Variants in RUNDC3B observed in about 807,000 individuals in gnomAD.
RUNDC3B encodes RUN domain containing 3B, also known as RUN domain-containing protein 3B.
Under a neutral mutation model 58.4 loss-of-function variants are expected in RUNDC3B, and 33 were observed. The observed-to-expected ratio is 0.56, with a 90% CI of 0.43 to 0.75. The LOEUF (loss-of-function observed/expected upper bound fraction) is 0.75, where lower values mean the gene tolerates loss of function less well. RUNDC3B is among the 30% of genes least tolerant of loss of function. The pLI is 0.00. For synonymous variants in RUNDC3B, 193 were observed against 195.2 expected, an observed-to-expected ratio of 0.99 and a Z score of 0.10; for missense variants, 501 against 535.7, an observed-to-expected ratio of 0.94 and a Z score of 0.64.
intron 10 of RUNDC3B, among the ~76,000 whole-genome samples, chr7:87,818,696 A>C (rs1180745568): frequency 1.3e-5 from 2 of 152,188 alleles, no homozygotes; most frequent in Non-Finnish European, 2.9e-5. Flanking sequence ...TCCTGTAACA[A>C]GCTGTGAGCA....
chr7:87,712,254 C>T (rs985457696), intron 4 of RUNDC3B, among the ~76,000 whole-genome samples: 4 of 151,876 alleles, frequency 2.6e-5, no homozygotes, highest in African/African-American at 4.8e-5. Context: ...ACATGACACT[C>T]GAGATATTTC....
chr7:87,682,606 T>C (rs1827037268), intron 2 of RUNDC3B, among the ~76,000 whole-genome samples: 1 of 152,210 alleles, frequency 6.6e-6, no homozygotes, highest in African/African-American at 2.4e-5. Flanking sequence ...TGAGCAGTAA[T>C]ACTTTGAAAG....
rs141517321 is a variant in RUNDC3B at position 87,759,605 on chromosome 7, T to G, written c.630-10976T>G. ...TGAGGCCAGGAGTTCAAGACCAGCT[T>G]GAGTAATATAGTGAGACTCTGTGAC... On this transcript the variant is annotated intron_variant, in intron 6 of 10. Coordinates refer to ENST00000394654, the MANE Select transcript of RUNDC3B (RefSeq NM_001134405.2). Among the ~76,000 whole-genome samples, 999 of 152,070 alleles carry G rather than the reference T, an allele frequency of 6.6e-3. 5 individuals carry two copies. The highest frequency in any genetic ancestry group is 7.6e-3 in the Non-Finnish European group (514 of 67,968).
At chr7:87,800,406 C>T (rs750177421) in intron 8 of RUNDC3B, among the ~76,000 whole-genome samples, 1 of 152,156 alleles carries the variant, frequency 6.6e-6, no homozygotes, top group Non-Finnish European at 1.5e-5. Context: ...TACTGATGGG[C>T]ACTTATGTTT....
intron 8 of RUNDC3B, among the ~76,000 whole-genome samples, chr7:87,787,670 G>T (rs1337142416): frequency 6.6e-6 from 1 of 152,036 alleles, no homozygotes; most frequent in Non-Finnish European, 1.5e-5. Flanking sequence ...CCAGTTGTGA[G>T]GTCTTAATGT....
intron 9 of RUNDC3B, among the ~76,000 whole-genome samples, 165 bp from the exon 10 acceptor site, chr7:87,815,976 T>C (rs1837007858): frequency 6.6e-6 from 1 of 152,052 alleles, no homozygotes; most frequent in South Asian, 2.1e-4. Flanking sequence ...ATAGAAAGTA[T>C]AATGGAGATC....
chr7:87,677,261 C>A (rs1826459890), intron 2 of RUNDC3B, among the ~76,000 whole-genome samples: 1 of 133,900 alleles, frequency 7.5e-6, no homozygotes. Flanking sequence ...GATTAATAAA[C>A]TACAGTGTAT....
At chr7:87,764,681 T>C (rs1833884450) in intron 6 of RUNDC3B, among the ~76,000 whole-genome samples, 1 of 151,914 alleles carries the variant, frequency 6.6e-6, no homozygotes. Flanking sequence ...CTTAGGATAA[T>C]TGGCTTCCAG....
intron 1 of RUNDC3B, among the ~76,000 whole-genome samples, chr7:87,637,952 A>G (rs999537993): frequency 2.0e-5 from 3 of 152,010 alleles, no homozygotes; most frequent in African/African-American, 7.2e-5. Flanking sequence ...AAACGTTCAA[A>G]ATTTTATTAT....
intron 4 of RUNDC3B, among the ~76,000 whole-genome samples, chr7:87,732,752 T>A (rs1258725537): frequency 6.6e-6 from 1 of 152,074 alleles, no homozygotes; most frequent in African/African-American, 2.4e-5. Flanking sequence ...TTAGGGTCAT[T>A]TGATTATGAG....
At chr7:87,813,713 C>T (rs1050878992) in intron 9 of RUNDC3B, among the ~76,000 whole-genome samples, 12 of 152,122 alleles carry the variant, frequency 7.9e-5, no homozygotes, top group African/African-American at 2.7e-4. Context: ...GGCGCAGTGG[C>T]TCACACCTGT....
chr7:87,770,806 G>A lies in RUNDC3B; in HGVS notation c.798+57G>A, dbSNP rs1834236797. The stretch of plus-strand genomic sequence containing the variant: ...TTATTCTAGTTATTGCCTTTGAACT[G>A]TGACTGCCAAAATATTTTTTAACTG... On this transcript the variant is annotated intron_variant, in intron 7 of 10. Transcript: ENST00000394654. 12 of 1,173,390 alleles carry A rather than the reference G, an allele frequency of 1.0e-5. No homozygotes were observed. The South Asian group carries it at 1.6e-4, about 16-fold the overall frequency. The allele number at this position is 1,173,390 out of a possible 1,614,324, so 72.7% of individuals were successfully genotyped here.
At chr7:87,758,325 A>G (rs1214843195) in intron 6 of RUNDC3B, among the ~76,000 whole-genome samples, 1 of 152,194 alleles carries the variant, frequency 6.6e-6, no homozygotes, top group Admixed American at 6.6e-5. Flanking sequence ...CAGACTCAAA[A>G]AAACAAAAGA....
intron 2 of RUNDC3B, among the ~76,000 whole-genome samples, chr7:87,677,193 G>A (rs756394020): frequency 5.3e-5 from 8 of 151,484 alleles, no homozygotes; most frequent in Non-Finnish European, 1.2e-4. Context: ...TTTATTGCAG[G>A]ATTTTTAACA....
At chr7:87,762,895 G>A (rs1004124924) in intron 6 of RUNDC3B, among the ~76,000 whole-genome samples, 5 of 150,688 alleles carry the variant, frequency 3.3e-5, no homozygotes, top group East Asian at 1.9e-4. Flanking sequence ...AAACTACTCC[G>A]GCAGGCTTTG....
intron 5 of RUNDC3B, 38 bp downstream of exon 5, chr7:87,739,918 A>G (rs565854526): frequency 7.2e-6 from 7 of 975,962 alleles, no homozygotes; most frequent in Middle Eastern, 2.6e-4. Flanking sequence ...AAATTATTCT[A>G]TATCTTAATA....
chr7:87,710,480 G>T (rs938451142), intron 3 of RUNDC3B, 90 bp from the exon 4 acceptor site: 21 of 712,678 alleles, frequency 2.9e-5, no homozygotes, highest in Non-Finnish European at 4.3e-5. Context: ...TTGAATGGCT[G>T]TTCTTTACAT....
intron 1 of RUNDC3B, among the ~76,000 whole-genome samples, chr7:87,630,195 T>G (rs1372441508): frequency 1.3e-5 from 2 of 152,240 alleles, no homozygotes; most frequent in Non-Finnish European, 2.9e-5. Context: ...TATTTTTCCG[T>G]TATTTTTCTT....
intron 6 of RUNDC3B, among the ~76,000 whole-genome samples, chr7:87,754,014 G>A (rs573122758): frequency 6.6e-6 from 1 of 152,312 alleles, no homozygotes; most frequent in African/African-American, 2.4e-5. Context: ...GCAGGTCAGT[G>A]GGAGGGGAGC....
Sources: gnomAD v4.1 joint callset for allele counts (sites outside exome capture counted in the v4.1 genomes callset) on GRCh38, gnomAD v4.1.1 for gene constraint, MANE v1.5 for transcripts, NCBI Gene and HGNC (gene_info 2026-07-23, HGNC 2026-07-21) for gene names.